Variants in ATP11B observed in about 807,000 individuals in gnomAD.
ATP11B encodes ATPase phospholipid transporting 11B (putative).
Under a neutral mutation model 157.8 loss-of-function variants are expected in ATP11B, and 81 were observed. That is an observed-to-expected ratio of 0.51 (90% CI 0.43 to 0.62). The LOEUF is 0.62. Among genes scored for constraint, ATP11B ranks in the 20% least tolerant of loss-of-function variants. The pLI, the probability that ATP11B is intolerant of heterozygous loss-of-function variation, is 0.00. For missense variants in ATP11B, 1,165 were observed against 1,402.2 expected, an observed-to-expected ratio of 0.83 and a Z score of 2.70; for synonymous variants, 451 against 469.4, an observed-to-expected ratio of 0.96 and a Z score of 0.51.
chr3:182,849,671 G>A (rs1029591410), intron 10 of ATP11B, among the ~76,000 whole-genome samples: 10 of 152,052 alleles, frequency 6.6e-5, no homozygotes, highest in African/African-American at 1.9e-4. Flanking sequence ...TCAGACCAGT[G>A]AACTTGAAGA....
chr3:182,851,949 T>C (rs1162731434), intron 10 of ATP11B, among the ~76,000 whole-genome samples: 1 of 152,194 alleles, frequency 6.6e-6, no homozygotes, highest in East Asian at 1.9e-4. Flanking sequence ...TCAAAAGATA[T>C]ACTATGTATA....
chr3:182,850,818 G>T (rs777149975), intron 10 of ATP11B, among the ~76,000 whole-genome samples: 1 of 151,908 alleles, frequency 6.6e-6, no homozygotes, highest in Non-Finnish European at 1.5e-5. Context: ...TAATAGCAAA[G>T]ATAAGGATTC....
chr3:182,821,705 A>C (rs1177320509), intron 2 of ATP11B, among the ~76,000 whole-genome samples: 1 of 152,206 alleles, frequency 6.6e-6, no homozygotes, highest in African/African-American at 2.4e-5. Flanking sequence ...CAGAAACTGA[A>C]GTTTAATTTA....
chr3:182,802,068 A>T (rs944869913), intron 1 of ATP11B, among the ~76,000 whole-genome samples: 3 of 152,220 alleles, frequency 2.0e-5, no homozygotes, highest in African/African-American at 7.2e-5. Context: ...TCAATTTTTT[A>T]AAAAATGCAT....
intron 20 of ATP11B, 111 bp from the exon 21 acceptor site, chr3:182,880,763 AAAATT>A (rs1370796923): frequency 3.9e-6 from 2 of 507,828 alleles, no homozygotes; most frequent in East Asian, 3.5e-5. Context: ...TGTCTAATAA[AAAATT>A]AAATATTTCT....
At position 182,865,582 on chromosome 3, in the gene ATP11B, C is replaced by G; in HGVS notation, c.1327C>G (p.Pro443Ala). ...TAGACTTGTACCCGAAGGACCAACA[C>G]CAGACTCTTCAGAAGGAAACTTATC... is the stretch of plus-strand genomic sequence containing the variant. ...NGRLVPEGPT[P>A]DSSEGNLSYL... The change falls in exon 13 of 30, where the codon CCA (proline) becomes GCA (alanine). Residue 443 changes from proline to alanine, a missense_variant. Pro to Ala is a conservative substitution (Grantham distance 27, BLOSUM62 -1). This residue lies in a region of ATP11B where 737 missense variants were observed against 930.5 expected (regional missense o/e 0.79). Transcript: ENST00000323116. 1.2e-6 allele frequency: 2 copies of G among 1,613,842 alleles called. No homozygotes were observed. The highest frequency in any genetic ancestry group is 1.7e-6 in the Non-Finnish European group (2 of 1,179,846).
At chr3:182,876,049 C>A (rs1404006560) in intron 19 of ATP11B, among the ~76,000 whole-genome samples, 1 of 151,898 alleles carries the variant, frequency 6.6e-6, no homozygotes, top group Admixed American at 6.6e-5. Context: ...TTGAGATCAG[C>A]CTGGTCAATG....
chr3:182,812,467 T>A (rs1716728936), intron 1 of ATP11B, among the ~76,000 whole-genome samples: 1 of 152,244 alleles, frequency 6.6e-6, no homozygotes, highest in African/African-American at 2.4e-5. Flanking sequence ...TCAAATTTAG[T>A]GTCCTTGCTT....
At chr3:182,894,618 C>T (rs1320997099) in intron 25 of ATP11B, among the ~76,000 whole-genome samples, 6 of 152,184 alleles carry the variant, frequency 3.9e-5, no homozygotes, top group Non-Finnish European at 7.3e-5. Context: ...TACATTACTT[C>T]GTATAATTTT....
chr3:182,896,297 C>A (rs958179712), intron 25 of ATP11B, among the ~76,000 whole-genome samples: 1 of 152,054 alleles, frequency 6.6e-6, no homozygotes, highest in Non-Finnish European at 1.5e-5. Flanking sequence ...CCAAAAATAC[C>A]GTGGCATGTG....
chr3:182,831,880 A>C (rs1718176389), intron 4 of ATP11B, among the ~76,000 whole-genome samples: 1 of 152,140 alleles, frequency 6.6e-6, no homozygotes. Flanking sequence ...ACGGTGCCAG[A>C]TAATTTATTC....
chr3:182,869,130 G>A lies in ATP11B; in HGVS notation c.1741G>A (p.Val581Ile), dbSNP rs1258200253. The change falls in exon 16 of 30, where the codon GTA becomes ATA. Residue 581 changes from valine to isoleucine, a missense_variant. Coordinates refer to ENST00000323116, the MANE Select transcript of ATP11B (RefSeq NM_014616.3). The part of the protein sequence containing the change: ...EFDSDRRRMS[V>I]IVQAPSGEKL... ...TGATTCAGATCGTAGGAGAATGAGT[G>A]TAATTGTTCAGGCACCTTCAGGTAA... is the stretch of plus-strand genomic sequence containing the variant. 2 of 1,611,640 alleles carry A rather than the reference G, an allele frequency of 1.2e-6. No individual in the cohort carries two copies. The highest frequency in any genetic ancestry group is 2.2e-5 in the East Asian group (1 of 44,712).
chr3:182,885,935 T>TA lies in ATP11B; in HGVS notation c.2656-14dup, dbSNP rs1483491856. The TA allele has an allele frequency of 1.0e-5, 15 of 1,478,688 alleles. No individual in the cohort carries two copies. Among genetic ancestry groups the TA allele is most frequent in the African/African-American group, 1.5e-5 (1 of 67,560 alleles). The allele number at this position is 1,478,688 out of a possible 1,614,324, so 91.6% of individuals were successfully genotyped here. On this transcript the variant is annotated splice_polypyrimidine_tract_variant and intron_variant, in intron 22 of 29. Coordinates refer to ENST00000323116, the MANE Select transcript of ATP11B (RefSeq NM_014616.3). ...CTAAATATTTTAATTATTTTCCATT[T>TA]AATCTTGTTTTTCAGAATGTGTGCT...
chr3:182,901,214 T>C (rs1315045107), intron 28 of ATP11B, among the ~76,000 whole-genome samples: 1 of 151,590 alleles, frequency 6.6e-6, no homozygotes, highest in Non-Finnish European at 1.5e-5. Context: ...AGTAAAAAAA[T>C]TAGCTGGGCA....
Position 182,873,850 on chromosome 3 carries a change from G to C in ATP11B, c.2087G>C (p.Arg696Thr). The change falls in exon 19 of 30, where the codon AGA becomes ACA. Residue 696 changes from arginine (R) to threonine (T), a missense_variant. Around this residue, in one of 4 missense-constraint regions of ATP11B, gnomAD observed 737 missense variants for 930.5 expected, o/e 0.79. Coordinates refer to ENST00000323116, the MANE Select transcript of ATP11B (RefSeq NM_014616.3). The stretch of plus-strand genomic sequence containing the variant: ...GTTCGAGAAACTATTGAAGCATTGA[G>C]AATGGCTGGTATCAAAGTATGGGTA... ...DKVRETIEAL[R>T]MAGIKVWVLT... 1.2e-6 allele frequency: 2 copies of C among 1,614,104 alleles called. No homozygotes were observed. Among genetic ancestry groups the C allele is most frequent in the South Asian group, 2.2e-5 (2 of 91,070 alleles).
chr3:182,845,099 G>A (rs1038747502), intron 8 of ATP11B, among the ~76,000 whole-genome samples: 1 of 150,838 alleles, frequency 6.6e-6, no homozygotes, highest in Middle Eastern at 3.2e-3. Context: ...CCGCCTCCAC[G>A]GTTCAAAAAA....
At chr3:182,861,861 T>C (rs1355812382) in intron 12 of ATP11B, among the ~76,000 whole-genome samples, 1 of 151,842 alleles carries the variant, frequency 6.6e-6, no homozygotes, top group Admixed American at 6.6e-5. Context: ...AGAGGATGAC[T>C]TGAGCCCAGG....
At chr3:182,898,866 G>A in intron 28 of ATP11B, 94 bp downstream of exon 28, 1 of 858,048 alleles carries the variant, frequency 1.2e-6, no homozygotes, top group Non-Finnish European at 1.6e-6. Flanking sequence ...TCAGAAAATA[G>A]GAAATTAGCC....
At chr3:182,842,252 G>A in intron 8 of ATP11B, 130 bp downstream of exon 8, 1 of 673,088 alleles carries the variant, frequency 1.5e-6, no homozygotes, top group East Asian at 2.8e-5. Context: ...GTTGTGTTTT[G>A]TTTGTTTTGT....
Sources: allele counts gnomAD v4.1 joint callset (sites outside exome capture counted in the v4.1 genomes callset), GRCh38; gene constraint gnomAD v4.1.1; regional missense constraint gnomAD v4.1.1; transcripts MANE v1.5; gene names NCBI Gene and HGNC (gene_info 2026-07-23, HGNC 2026-07-21).